The following GRIK3 variants were observed in gnomAD, a reference collection of about 807,000 sequenced individuals.
GRIK3 encodes the protein glutamate ionotropic receptor kainate type subunit 3, also known as glutamate receptor ionotropic, kainate 3.
A neutral mutation model predicts 102.5 loss-of-function variants in GRIK3; 29 were observed. That is an observed-to-expected ratio of 0.28 (90% CI 0.21 to 0.39). The LOEUF is 0.39. GRIK3 is among the 10% of genes least tolerant of loss of function. The pLI is 1.00. For synonymous variants in GRIK3, 511 were observed against 504.9 expected (o/e 1.01, Z -0.16); for missense variants, 908 against 1,252.4 (o/e 0.73, Z 4.15).
intron 1 of GRIK3, among the ~76,000 whole-genome samples, chr1:37,018,496 G>A (rs532897022): frequency 6.6e-6 from 1 of 152,180 alleles, no homozygotes; most frequent in Non-Finnish European, 1.5e-5. Context: ...TGGTCTCTGA[G>A]CACTCTTTCT....
rs553086553 is a variant in GRIK3 at position 36,891,851 on chromosome 1, G to A, written c.116-755C>T. Among the ~76,000 whole-genome samples, 9 of 152,318 alleles carry A rather than the reference G, an allele frequency of 5.9e-5. No homozygotes were observed. The South Asian group carries it at 1.7e-3, about 28-fold the overall frequency. ...ACATGAAAACAAGTAGGAGCTAGTA[G>A]AGTTAAGTTAAATGACCAGTTAGCA... On this transcript the variant is annotated intron_variant, in intron 1 of 15. Coordinates refer to ENST00000373091, the MANE Select transcript of GRIK3 (RefSeq NM_000831.4).
intron 1 of GRIK3, among the ~76,000 whole-genome samples, chr1:37,009,243 G>C (rs1361170457): frequency 2.6e-5 from 4 of 152,204 alleles, no homozygotes; most frequent in African/African-American, 9.7e-5. Flanking sequence ...CTTAATTTCA[G>C]AATGAGTGGG....
intron 2 of GRIK3, among the ~76,000 whole-genome samples, chr1:36,882,945 T>A (rs1640999427): frequency 6.6e-6 from 1 of 152,226 alleles, no homozygotes; most frequent in Non-Finnish European, 1.5e-5. Flanking sequence ...CAACAGAGCA[T>A]GAGCAAGCTC....
chr1:36,920,429 C>T (rs1641454362), intron 1 of GRIK3, among the ~76,000 whole-genome samples: 1 of 152,122 alleles, frequency 6.6e-6, no homozygotes, highest in African/African-American at 2.4e-5. Flanking sequence ...CTGCTCTCTG[C>T]CTGAGGCCCA....
chr1:36,838,899 C>T (rs1369216362), intron 10 of GRIK3, among the ~76,000 whole-genome samples: 1 of 152,144 alleles, frequency 6.6e-6, no homozygotes, highest in African/African-American at 2.4e-5. Context: ...TTGGGCTTAA[C>T]AAGGTCCCCT....
intron 1 of GRIK3, among the ~76,000 whole-genome samples, chr1:37,004,621 G>A (rs1642512427): frequency 6.6e-6 from 1 of 152,216 alleles, no homozygotes; most frequent in South Asian, 2.1e-4. Context: ...AGGGACATCA[G>A]GTCCCTCCCC....
chr1:36,826,952 T>C (rs1182020258), intron 10 of GRIK3, among the ~76,000 whole-genome samples: 2 of 152,130 alleles, frequency 1.3e-5, no homozygotes, highest in African/African-American at 4.8e-5. Flanking sequence ...ATGAAACCAC[T>C]TCCTGCTTAC....
chr1:36,808,706 A>G (rs1642526957), intron 13 of GRIK3, among the ~76,000 whole-genome samples: 1 of 152,222 alleles, frequency 6.6e-6, no homozygotes, highest in African/African-American at 2.4e-5. Flanking sequence ...CAGAGGACTC[A>G]GCGAAACTGC....
intron 8 of GRIK3, among the ~76,000 whole-genome samples, chr1:36,852,265 GAA>G (rs111949190): frequency 2.6e-5 from 4 of 152,208 alleles, no homozygotes; most frequent in African/African-American, 7.2e-5. Flanking sequence ...GAGTAGGTGG[GAA>G]AGTCGGGAGA....
At chr1:36,943,804 C>G (rs1641753234) in intron 1 of GRIK3, among the ~76,000 whole-genome samples, 1 of 152,230 alleles carries the variant, frequency 6.6e-6, no homozygotes. Flanking sequence ...GCTTGCTCTC[C>G]CAGCTTACTC....
intron 1 of GRIK3, among the ~76,000 whole-genome samples, chr1:37,019,608 G>A (rs6698860): frequency 0.076 from 11,539 of 152,058 alleles, 1,497 homozygotes; most frequent in African/African-American, 0.26. Context: ...CATTGCCCCC[G>A]CATCCTGGAG....
At chr1:37,029,199 T>C (rs529850268) in intron 1 of GRIK3, among the ~76,000 whole-genome samples, 33 of 152,280 alleles carry the variant, frequency 2.2e-4, no homozygotes, top group African/African-American at 7.2e-4. Context: ...ATCAGCTCCG[T>C]TTCCATACCA....
At chr1:37,017,819 A>T (rs1642669973) in intron 1 of GRIK3, among the ~76,000 whole-genome samples, 1 of 152,180 alleles carries the variant, frequency 6.6e-6, no homozygotes, top group African/African-American at 2.4e-5. Flanking sequence ...TTTTTCAGGA[A>T]TTTAGAGTCT....
intron 10 of GRIK3, among the ~76,000 whole-genome samples, chr1:36,834,242 G>C (rs1408193175): frequency 6.6e-6 from 1 of 152,162 alleles, no homozygotes; most frequent in Non-Finnish European, 1.5e-5. Context: ...GAATAAATCA[G>C]TCACTGGGAG....
At chr1:36,983,561 A>T (rs1370097830) in intron 1 of GRIK3, among the ~76,000 whole-genome samples, 1 of 152,052 alleles carries the variant, frequency 6.6e-6, no homozygotes, top group Non-Finnish European at 1.5e-5. Context: ...TTTCACAGAT[A>T]TGGAGGCACA....
intron 1 of GRIK3, among the ~76,000 whole-genome samples, chr1:37,007,688 C>G (rs534146826): frequency 6.6e-6 from 1 of 152,346 alleles, no homozygotes; most frequent in South Asian, 2.1e-4. Context: ...GTTTTCCCAG[C>G]ACTATCAGCC....
intron 9 of GRIK3, among the ~76,000 whole-genome samples, chr1:36,848,205 A>G (rs1048384669): frequency 2.0e-5 from 3 of 152,092 alleles, no homozygotes; most frequent in African/African-American, 7.2e-5. Flanking sequence ...ATAAAATTTA[A>G]CCCCTTGATC....
intron 2 of GRIK3, among the ~76,000 whole-genome samples, chr1:36,883,746 C>T (rs1312648471): frequency 1.3e-5 from 2 of 152,154 alleles, no homozygotes; most frequent in Non-Finnish European, 2.9e-5. Context: ...GGGAAAGGGT[C>T]CCTCTCGCCT....
chr1:36,940,751 C>A lies in GRIK3; in HGVS notation c.116-49655G>T, dbSNP rs550646281. On this transcript the variant is annotated intron_variant, in intron 1 of 15. Transcript: ENST00000373091. ...CTGTGGCTCTGCCTTGCTAGTTAATCTTCGCCCCTTGCAAAGGATTTCTCC... is the reference window on the plus strand; with the variant it reads ...CTGTGGCTCTGCCTTGCTAGTTAATATTCGCCCCTTGCAAAGGATTTCTCC... 2.6e-5 allele frequency among the ~76,000 whole-genome samples: 4 copies of A among 152,202 alleles called. No individual in the cohort carries two copies. The South Asian group carries it at 8.3e-4, about 32-fold the overall frequency.
Sources: allele counts gnomAD v4.1 joint callset (sites outside exome capture counted in the v4.1 genomes callset), GRCh38; gene constraint gnomAD v4.1.1; transcripts MANE v1.5; gene names NCBI Gene and HGNC (gene_info 2026-07-23, HGNC 2026-07-21).